SLC60A2: variants seen among roughly 807,000 people sequenced by gnomAD.
SLC60A2 encodes solute carrier family 60 member 2.
At chr6:111,279,480 C>T in the SLC60A2 span, among the ~76,000 whole-genome samples, 1 of 151,718 alleles carries the variant, frequency 6.6e-6, no homozygotes, top group Non-Finnish European at 1.5e-5. Flanking sequence ...GATCTCTTGA[C>T]CTCGTGATCC....
At chr6:111,276,192 T>C in the SLC60A2 span, among the ~76,000 whole-genome samples, 17 of 152,378 alleles carry the variant, frequency 1.1e-4, no homozygotes, top group Admixed American at 9.1e-4. Context: ...TTTGTGTTGC[T>C]TCTACATTTT....
chr6:111,261,427 A>G, the SLC60A2 span, among the ~76,000 whole-genome samples: 1 of 152,126 alleles, frequency 6.6e-6, no homozygotes, highest in South Asian at 2.1e-4. Context: ...AACTGGGACT[A>G]CAGGCATGCG....
the SLC60A2 span, among the ~76,000 whole-genome samples, chr6:111,260,901 C>A: frequency 1.3e-5 from 2 of 152,176 alleles, no homozygotes; most frequent in Non-Finnish European, 2.9e-5. Flanking sequence ...CACCTGGGCC[C>A]ATAGTGGTCC....
the SLC60A2 span, chr6:111,269,152 G>A: frequency 6.6e-6 from 1 of 152,030 alleles, no homozygotes; most frequent in African/African-American, 2.4e-5. Flanking sequence ...TTTGGAGATG[G>A]CGGTGGAGAA....
the SLC60A2 span, chr6:111,270,299 A>G: frequency 6.6e-6 from 1 of 152,224 alleles, no homozygotes; most frequent in African/African-American, 2.4e-5. Flanking sequence ...GGTAGAGGCT[A>G]GAACAGGGAT....
the SLC60A2 span, among the ~76,000 whole-genome samples, chr6:111,272,221 T>A: frequency 2.0e-5 from 3 of 152,034 alleles, no homozygotes; most frequent in Non-Finnish European, 2.9e-5. Context: ...CAGGCTGGTC[T>A]CAAACTCCTG....
chr6:111,262,286 G>T, the SLC60A2 span: 3 of 1,613,976 alleles, frequency 1.9e-6, no homozygotes. Flanking sequence ...TGGGACCCAC[G>T]TTTCAAGATT....
At chr6:111,260,582 G>A in the SLC60A2 span, among the ~76,000 whole-genome samples, 3 of 152,148 alleles carry the variant, frequency 2.0e-5, no homozygotes, top group African/African-American at 7.2e-5. Flanking sequence ...CCCCTGGGTC[G>A]CCACTCAATT....
the SLC60A2 span, chr6:111,259,661 C>A: frequency 6.3e-7 from 1 of 1,575,490 alleles, no homozygotes; most frequent in Admixed American, 1.8e-5. Context: ...CCTGGCAGAG[C>A]GGTGGGACCG....
At chr6:111,276,570 C>G in the SLC60A2 span, among the ~76,000 whole-genome samples, 1 of 152,206 alleles carries the variant, frequency 6.6e-6, no homozygotes, top group African/African-American at 2.4e-5. Context: ...AGTCATTGCA[C>G]AAGTGCTTGA....
the SLC60A2 span, chr6:111,259,822 T>C: frequency 1.8e-6 from 2 of 1,115,412 alleles, no homozygotes; most frequent in South Asian, 3.2e-5. Flanking sequence ...CTAATCTGAC[T>C]GGGCCTCAGT....
the SLC60A2 span, chr6:111,278,118 C>T: frequency 6.6e-6 from 1 of 152,064 alleles, no homozygotes; most frequent in African/African-American, 2.4e-5. Flanking sequence ...AGTTTACCTG[C>T]AAAGAGAGCA....
At chr6:111,271,562 G>A in the SLC60A2 span, among the ~76,000 whole-genome samples, 1 of 151,676 alleles carries the variant, frequency 6.6e-6, no homozygotes, top group Admixed American at 6.6e-5. Context: ...TTAGTTTGAA[G>A]AATTATAGTT....
At chr6:111,267,519 T>C in the SLC60A2 span, 1 of 160,850 alleles carries the variant, frequency 6.2e-6, no homozygotes, top group African/African-American at 2.4e-5. Flanking sequence ...TTGAGGAGAA[T>C]AGTTTCATAA....
the SLC60A2 span, chr6:111,262,185 G>A: frequency 7.7e-7 from 1 of 1,293,494 alleles, no homozygotes; most frequent in African/African-American, 1.5e-5. Flanking sequence ...TTTTATAGTG[G>A]AAGAAACTAC....
the SLC60A2 span, among the ~76,000 whole-genome samples, chr6:111,260,721 A>AC: frequency 6.6e-6 from 1 of 152,110 alleles, no homozygotes; most frequent in Non-Finnish European, 1.5e-5. Flanking sequence ...GTTGTTTCTT[A>AC]GAGTATTTTG....
At chr6:111,263,918 C>T in the SLC60A2 span, 20,808 of 1,605,020 alleles carry the variant, frequency 0.013, 350 homozygotes, top group Admixed American at 0.07. Context: ...TGTCTATCTT[C>T]GGTGTTTCAA....
the SLC60A2 span, chr6:111,271,167 CAAAAAAAAAAAA>C: frequency 9.5e-5 from 7 of 73,588 alleles, no homozygotes; most frequent in Non-Finnish European, 1.4e-4. Context: ...GACTCCATCT[CAAAAAAAAAAAA>C]AAAAAAAAAA....
At chr6:111,266,108 A>G in the SLC60A2 span, 2 of 1,614,104 alleles carry the variant, frequency 1.2e-6, no homozygotes, top group South Asian at 1.1e-5. Flanking sequence ...ATAAGAATTT[A>G]CTGTGGGCTT....
Sources: allele counts gnomAD v4.1 joint callset (sites outside exome capture counted in the v4.1 genomes callset), GRCh38; gene constraint gnomAD v4.1.1; transcripts MANE v1.5; gene names NCBI Gene and HGNC (gene_info 2026-07-23, HGNC 2026-07-21).